BCKDHB: variants seen among roughly 807,000 people sequenced by gnomAD.
BCKDHB encodes the protein branched chain keto acid dehydrogenase E1 subunit beta, also known as 2-oxoisovalerate dehydrogenase subunit beta, mitochondrial.
A neutral mutation model predicts 48.5 loss-of-function variants in BCKDHB; 41 were observed. That is an observed-to-expected ratio of 0.85 (90% CI 0.66 to 1.10). The LOEUF (loss-of-function observed/expected upper bound fraction) is 1.10, where lower values mean the gene tolerates loss of function less well. Ranked by LOEUF, BCKDHB falls within the 50% of genes least tolerant of loss-of-function variation. BCKDHB has a pLI of 0.00. For missense variants in BCKDHB, 496 were observed against 494.2 expected (o/e 1.00, Z -0.03); for synonymous variants, 201 against 174.8 (o/e 1.15, Z -1.18).
intron 1 of BCKDHB, among the ~76,000 whole-genome samples, chr6:80,124,532 G>C (rs990217362): frequency 9.9e-5 from 15 of 152,028 alleles, no homozygotes; most frequent in Non-Finnish European, 2.9e-5. Context: ...GAGTCTCTTT[G>C]TAGGTCTCTA....
chr6:80,250,043 T>A (rs1776771661), intron 8 of BCKDHB, among the ~76,000 whole-genome samples: 1 of 152,224 alleles, frequency 6.6e-6, no homozygotes, highest in South Asian at 2.1e-4. Context: ...ACTTCCTTCA[T>A]GTTACAGTAC....
At chr6:80,213,816 A>G (rs1582371797) in intron 8 of BCKDHB, among the ~76,000 whole-genome samples, 1 of 152,052 alleles carries the variant, frequency 6.6e-6, no homozygotes, top group Non-Finnish European at 1.5e-5. Flanking sequence ...AGATGAAGAC[A>G]TACTCATAGA....
the BCKDHB span, among the ~76,000 whole-genome samples, chr6:80,359,715 C>A: frequency 6.6e-6 from 1 of 152,164 alleles, no homozygotes; most frequent in African/African-American, 2.4e-5. Context: ...CTGCCTCAGC[C>A]TCCTGAGTAG....
At chr6:80,287,766 G>A (rs536749847) in intron 9 of BCKDHB, among the ~76,000 whole-genome samples, 5 of 152,282 alleles carry the variant, frequency 3.3e-5, no homozygotes, top group African/African-American at 9.6e-5. Context: ...CCCCCTGGAC[G>A]CATGTGGGCA....
chr6:80,244,405 G>A (rs993253459), intron 8 of BCKDHB, among the ~76,000 whole-genome samples: 1 of 152,210 alleles, frequency 6.6e-6, no homozygotes, highest in Non-Finnish European at 1.5e-5. Context: ...ATTCCATAGA[G>A]ATTCTAAAAG....
At chr6:80,392,690 C>A in the BCKDHB span, among the ~76,000 whole-genome samples, 1 of 151,372 alleles carries the variant, frequency 6.6e-6, no homozygotes, top group African/African-American at 2.4e-5. Flanking sequence ...CAGAGATATA[C>A]TTTTTCTGTC....
intron 8 of BCKDHB, among the ~76,000 whole-genome samples, chr6:80,222,132 T>G (rs1335929896): frequency 2.0e-5 from 3 of 152,170 alleles, no homozygotes; most frequent in Admixed American, 6.5e-5. Context: ...CTCCCTCCTT[T>G]CGGAGTCCCC....
the BCKDHB span, among the ~76,000 whole-genome samples, chr6:80,394,378 GTTCTA>G: frequency 1.3e-5 from 2 of 150,506 alleles, no homozygotes; most frequent in African/African-American, 4.9e-5. Context: ...TTAAAATAGA[GTTCTA>G]TTCTTGTTCT....
At chr6:80,172,329 T>C (rs1385981946) in intron 6 of BCKDHB, among the ~76,000 whole-genome samples, 1 of 152,092 alleles carries the variant, frequency 6.6e-6, no homozygotes, top group Non-Finnish European at 1.5e-5. Context: ...TTATATTGGA[T>C]GAATATTCAC....
the BCKDHB span, among the ~76,000 whole-genome samples, chr6:80,422,031 C>T: frequency 0.034 from 5,143 of 152,182 alleles, 150 homozygotes; most frequent in Middle Eastern, 0.065. Context: ...CCAGAGCATG[C>T]CAGAGTTCTT....
the BCKDHB span, among the ~76,000 whole-genome samples, chr6:80,381,317 C>T: frequency 1.3e-5 from 2 of 151,996 alleles, no homozygotes; most frequent in African/African-American, 4.8e-5. Context: ...TTTGAAACTT[C>T]TGACCCAGAA....
rs372401045 is a variant in BCKDHB at position 80,258,636 on chromosome 6, A to T, written c.952-14499A>T. 1.6e-4 allele frequency among the ~76,000 whole-genome samples: 25 copies of T among 152,296 alleles called. No individual in the cohort carries two copies. The East Asian group carries it at 3.5e-3, about 21-fold the overall frequency. On this transcript the variant is annotated intron_variant, in intron 8 of 9. Coordinates refer to ENST00000320393, the MANE Select transcript of BCKDHB (RefSeq NM_183050.4). ...GGAGAGTGAGTACCTGCCTTTTCCCAGCCCCAGGTTGCTGATGTGGGGGCT... is the reference window on the plus strand; with the variant it reads ...GGAGAGTGAGTACCTGCCTTTTCCCTGCCCCAGGTTGCTGATGTGGGGGCT...
rs534110100 is a variant in BCKDHB at position 80,309,215 on chromosome 6, C to T, written c.1039-34449C>T. 3.3e-5 allele frequency among the ~76,000 whole-genome samples: 5 copies of T among 152,096 alleles called. No individual in the cohort carries two copies. In the South Asian group the frequency reaches 8.3e-4, roughly 25 times the overall value. ...AATAGCTGGGATTACAGGCACTTGCCACCACACCTGGCTAATTTTTGTATT... is the reference window on the plus strand; with the variant it reads ...AATAGCTGGGATTACAGGCACTTGCTACCACACCTGGCTAATTTTTGTATT... On this transcript the variant is annotated intron_variant, in intron 9 of 9. Coordinates refer to ENST00000320393, the MANE Select transcript of BCKDHB (RefSeq NM_183050.4).
chr6:80,171,487 T>A, intron 6 of BCKDHB, 97 bp downstream of exon 6: 1 of 705,720 alleles, frequency 1.4e-6, no homozygotes. Flanking sequence ...ATGGTTGATT[T>A]ATATTTTCCT....
chr6:80,203,817 G>T (rs989968801), intron 8 of BCKDHB, among the ~76,000 whole-genome samples: 33 of 152,068 alleles, frequency 2.2e-4, no homozygotes, highest in Non-Finnish European at 4.0e-4. Context: ...TCCCTCTTAA[G>T]AATATAGTTT....
At chr6:80,406,973 G>T in the BCKDHB span, among the ~76,000 whole-genome samples, 3 of 152,280 alleles carry the variant, frequency 2.0e-5, no homozygotes, top group South Asian at 6.2e-4. Context: ...TCCTTCTAGG[G>T]TTTTTATGGT....
intron 9 of BCKDHB, among the ~76,000 whole-genome samples, chr6:80,294,447 G>T (rs370800892): frequency 1.3e-5 from 2 of 152,154 alleles, no homozygotes; most frequent in Admixed American, 1.3e-4. Context: ...GAAGACAACC[G>T]TTAGGTCTGA....
At chr6:80,398,258 C>CA in the BCKDHB span, among the ~76,000 whole-genome samples, 152,121 of 152,126 alleles carry the variant, frequency 1, 76,058 homozygotes, top group Middle Eastern at 1. Context: ...GATTGAGAAA[C>CA]AAAAATCACA....
chr6:80,379,918 G>A, the BCKDHB span, among the ~76,000 whole-genome samples: 2 of 151,928 alleles, frequency 1.3e-5, no homozygotes, highest in South Asian at 2.1e-4. Flanking sequence ...ACAAAACACT[G>A]GTGAAATAAA....
Sources: allele counts gnomAD v4.1 joint callset (sites outside exome capture counted in the v4.1 genomes callset), GRCh38; gene constraint gnomAD v4.1.1; transcripts MANE v1.5; gene names NCBI Gene and HGNC (gene_info 2026-07-23, HGNC 2026-07-21).